Variants in SNX30 observed in about 807,000 individuals in gnomAD.
SNX30 encodes the protein sorting nexin family member 30, also known as sorting nexin-30.
In SNX30, 24 loss-of-function variants were observed where a neutral mutation model predicts 46.4. The ratio of observed to expected loss-of-function variants is 0.52; its 90% confidence interval spans 0.37 to 0.73. The LOEUF (loss-of-function observed/expected upper bound fraction) is 0.73, where lower values mean the gene tolerates loss of function less well. SNX30 is among the 30% of genes least tolerant of loss of function. The pLI is 0.00. For synonymous variants in SNX30, 189 were observed against 211.5 expected (o/e 0.89, Z 0.92); for missense variants, 533 against 555.7 (o/e 0.96, Z 0.41).
intron 3 of SNX30, among the ~76,000 whole-genome samples, chr9:112,823,059 G>T (rs1840530596): frequency 6.6e-6 from 1 of 152,094 alleles, no homozygotes; most frequent in Admixed American, 6.5e-5. Flanking sequence ...TTTACTATAG[G>T]TATGTATAGG....
At chr9:112,815,637 A>G (rs1005861674) in intron 2 of SNX30, among the ~76,000 whole-genome samples, 3 of 152,230 alleles carry the variant, frequency 2.0e-5, no homozygotes, top group African/African-American at 7.2e-5. Flanking sequence ...CTGGGATTAC[A>G]GGTGTGAGCC....
At chr9:112,882,351 C>G (rs1841590408), downstream of SNX30, among the ~76,000 whole-genome samples, 1 of 152,168 alleles carries the variant, frequency 6.6e-6, no homozygotes, top group South Asian at 2.1e-4. Context: ...AAGCAATTCC[C>G]CCACCTCAGC....
rs77853241 is a variant in SNX30 at position 112,816,137 on chromosome 9, C to T, written c.349-1568C>T. On this transcript the variant is annotated intron_variant, in intron 2 of 8. Coordinates refer to ENST00000374232, the MANE Select transcript of SNX30 (RefSeq NM_001012994.2). ...CTGGGATTACAGGCATGAGCCACCACGCCCTGCCCTAACTCTCTTCTTACT... is the reference window on the plus strand; with the variant it reads ...CTGGGATTACAGGCATGAGCCACCATGCCCTGCCCTAACTCTCTTCTTACT... 1.6e-3 allele frequency among the ~76,000 whole-genome samples: 241 copies of T among 152,306 alleles called. 4 individuals carry two copies. In the East Asian group the frequency reaches 0.041, roughly 26 times the overall value.
At chr9:112,827,182 C>T (rs1342402688) in intron 3 of SNX30, among the ~76,000 whole-genome samples, 4 of 152,162 alleles carry the variant, frequency 2.6e-5, no homozygotes, top group Non-Finnish European at 5.9e-5. Context: ...TTAGTAGTCC[C>T]CTGAAGCTGC....
At chr9:112,829,151 A>G (rs1443600426) in intron 3 of SNX30, among the ~76,000 whole-genome samples, 1 of 152,108 alleles carries the variant, frequency 6.6e-6, no homozygotes, top group African/African-American at 2.4e-5. Flanking sequence ...GCCCATTCAC[A>G]TGTTGATGGA....
At position 112,804,838 on chromosome 9, in the gene SNX30, C is replaced by T. The variant is rs1448642205; in HGVS notation, c.219C>T (p.Ser73=). The T allele has an allele frequency of 4.3e-6, 7 of 1,613,776 alleles. No individual in the cohort carries two copies. Among genetic ancestry groups the T allele is most frequent in the Non-Finnish European group, 5.1e-6 (6 of 1,179,898 alleles). The part of the protein sequence containing the change: ...AGTSSPASSS[S]LLNRLQLDDD... ...CTTCAAGTCCAGCTTCTTCATCTTC[C>T]CTTCTCAACAGACTTCAGCTTGATG... The change falls in exon 2 of 9, where the codon TCC becomes TCT. Residue 73 remains serine, a synonymous_variant. Transcript: ENST00000374232.
intron 8 of SNX30, among the ~76,000 whole-genome samples, chr9:112,867,363 A>AT (rs1841375914): frequency 7.0e-6 from 1 of 142,260 alleles, no homozygotes; most frequent in Non-Finnish European, 1.5e-5. Flanking sequence ...CCTCCTCAGA[A>AT]TTCCTCCTCC....
chr9:112,782,059 G>A (rs1215494012), intron 1 of SNX30, among the ~76,000 whole-genome samples: 1 of 151,866 alleles, frequency 6.6e-6, no homozygotes, highest in South Asian at 2.1e-4. Flanking sequence ...GTTAGTAAAG[G>A]TTTTTTATTT....
At chr9:112,815,047 A>G (rs1588125308) in intron 2 of SNX30, among the ~76,000 whole-genome samples, 1 of 152,252 alleles carries the variant, frequency 6.6e-6, no homozygotes, top group African/African-American at 2.4e-5. Context: ...ATGCGTAGAA[A>G]AATATGGAAA....
rs952512053 is a variant in SNX30 at position 112,873,903 on chromosome 9, G to C, written c.*5060G>C. 7 of 152,180 alleles carry C rather than the reference G, an allele frequency of 4.6e-5. No individual in the cohort carries two copies. The highest frequency in any genetic ancestry group is 1.7e-4 in the African/African-American group (7 of 41,432). 9.4% of individuals were successfully genotyped at this position (152,180 alleles called of 1,614,324 possible). A position where few individuals can be genotyped will look rare whatever the true frequency, so the allele number is the denominator to read the frequency against. On this transcript the variant is annotated 3_prime_UTR_variant, in exon 9 of 9. Coordinates refer to ENST00000374232, the MANE Select transcript of SNX30 (RefSeq NM_001012994.2). ...ACATGATGTTGACTCATGTAATTTAGTCCATTTTAGCAGAGCCTTTAGTGT... is the reference window on the plus strand; with the variant it reads ...ACATGATGTTGACTCATGTAATTTACTCCATTTTAGCAGAGCCTTTAGTGT...
At chr9:112,837,401 A>G (rs1267706324) in intron 5 of SNX30, among the ~76,000 whole-genome samples, 1 of 152,028 alleles carries the variant, frequency 6.6e-6, no homozygotes, top group Non-Finnish European at 1.5e-5. Context: ...GTGTAAGACC[A>G]CATCTCTTGT....
chr9:112,757,653 C>G (rs1031257742), intron 1 of SNX30, among the ~76,000 whole-genome samples: 2 of 152,182 alleles, frequency 1.3e-5, no homozygotes. Flanking sequence ...CCGCGTATAT[C>G]ATTTTGTCTT....
chr9:112,816,445 A>T (rs529491273), intron 2 of SNX30, among the ~76,000 whole-genome samples: 1 of 152,214 alleles, frequency 6.6e-6, no homozygotes, highest in African/African-American at 2.4e-5. Context: ...ACCTACATTG[A>T]GTGAATTTCC....
chr9:112,754,425 T>C (rs1408668642), intron 1 of SNX30, among the ~76,000 whole-genome samples: 1 of 149,512 alleles, frequency 6.7e-6, no homozygotes, highest in Non-Finnish European at 1.5e-5. Context: ...TTTTTTTTTT[T>C]TTTGAGATGG....
chr9:112,796,247 G>A (rs191230683), intron 1 of SNX30, among the ~76,000 whole-genome samples: 165 of 152,310 alleles, frequency 1.1e-3, no homozygotes, highest in African/African-American at 3.8e-3. Context: ...AGAGCTGTTC[G>A]GAGGCCCGGT....
At chr9:112,790,645 G>C (rs908549787) in intron 1 of SNX30, among the ~76,000 whole-genome samples, 2 of 152,120 alleles carry the variant, frequency 1.3e-5, no homozygotes, top group Non-Finnish European at 2.9e-5. Context: ...AAGTCACTTG[G>C]CAATAAGAAG....
At chr9:112,845,321 A>G (rs761818787) in intron 6 of SNX30, among the ~76,000 whole-genome samples, 21 of 152,318 alleles carry the variant, frequency 1.4e-4, no homozygotes, top group Non-Finnish European at 2.4e-4. Flanking sequence ...ACTGTGGGGG[A>G]AAAAACTGAG....
chr9:112,868,592 A>T (rs1841397777), intron 8 of SNX30, among the ~76,000 whole-genome samples, 192 bp from the exon 9 acceptor site: 1 of 152,232 alleles, frequency 6.6e-6, no homozygotes, highest in African/African-American at 2.4e-5. Flanking sequence ...TTTCATAAAG[A>T]TGGGGTGACG....
rs1840753985 is a variant in SNX30, at chr9:112,836,523, A to G, written c.814+114A>G. The G allele has an allele frequency of 2.6e-6, 3 of 1,140,616 alleles. No homozygotes were observed. The Admixed American group carries it at 7.6e-5, about 29-fold the overall frequency. The allele number at this position is 1,140,616 out of a possible 1,614,324, so 70.7% of individuals were successfully genotyped here. A position where few individuals can be genotyped will look rare whatever the true frequency, so the allele number is the denominator to read the frequency against. ...AATGCTGGAGTGACAGAACTAGGCC[A>G]TCTTTTGCTTATCAAAGAAATACAA... On this transcript the variant is annotated intron_variant, in intron 5 of 8. Transcript: ENST00000374232.
Sources: gnomAD v4.1 joint callset for allele counts (sites outside exome capture counted in the v4.1 genomes callset) on GRCh38, gnomAD v4.1.1 for gene constraint, MANE v1.5 for transcripts, NCBI Gene and HGNC (gene_info 2026-07-23, HGNC 2026-07-21) for gene names.